The following KLHL13 variants were observed in gnomAD, a reference collection of about 807,000 sequenced individuals.
The protein encoded by KLHL13 is kelch like family member 13.
Under a neutral mutation model 37.1 loss-of-function variants are expected in KLHL13, and 10 were observed. That is an observed-to-expected ratio of 0.27 (90% CI 0.17 to 0.46). The LOEUF (loss-of-function observed/expected upper bound fraction) is 0.46, where lower values mean the gene tolerates loss of function less well. Ranked by LOEUF, KLHL13 falls within the 20% of genes least tolerant of loss-of-function variation. The probability of loss-of-function intolerance (pLI) is 1.00; values close to 1 mark genes in which losing one functional copy is unlikely to be tolerated. For synonymous variants in KLHL13, 163 were observed against 181.2 expected (o/e 0.90, Z 0.81); for missense variants, 360 against 509.3 (o/e 0.71, Z 2.82).
chrX:118,006,989 G>T (rs2053991227), intron 1 of KLHL13, among the ~76,000 whole-genome samples: 1 of 111,577 alleles, frequency 9.0e-6, no homozygotes, highest in South Asian at 3.8e-4. Flanking sequence ...GGGGGCCAGA[G>T]ATCAAATAAT....
chrX:118,090,168 C>T lies in KLHL13; in HGVS notation c.-56+26340G>A, dbSNP rs767811131. On this transcript the variant is annotated intron_variant, in intron 1 of 6. Transcript: ENST00000371882. The stretch of plus-strand genomic sequence containing the variant: ...TGGATTAAAGACTTAAATGTTAGAC[C>T]TAAAACCATAAAAAACCCTAGAAGA... Among the ~76,000 whole-genome samples, 412 of 109,729 alleles carry T rather than the reference C, an allele frequency of 3.8e-3. 1 individual carries two copies. Among genetic ancestry groups the T allele is most frequent in the Non-Finnish European group, 6.8e-3 (357 of 52,697 alleles).
upstream of KLHL13, among the ~76,000 whole-genome samples, chrX:118,117,120 G>T (rs2055482088): frequency 8.8e-6 from 1 of 113,024 alleles, no homozygotes; most frequent in African/African-American, 3.2e-5. Flanking sequence ...CAGAAAAAGT[G>T]AAAAGTGTCA....
intron 5 of KLHL13, among the ~76,000 whole-genome samples, chrX:117,903,179 C>A (rs1000919137): frequency 0.046 from 4,255 of 91,777 alleles, 129 homozygotes; most frequent in Middle Eastern, 0.092. Flanking sequence ...GAGAGGAGAG[C>A]GAGAGAGAGA....
At chrX:118,044,361 A>T (rs1406054493) in intron 1 of KLHL13, among the ~76,000 whole-genome samples, 4 of 109,600 alleles carry the variant, frequency 3.6e-5, no homozygotes, top group Admixed American at 9.8e-5. Context: ...GACATTCTTC[A>T]CAGAAATAGA....
intron 1 of KLHL13, among the ~76,000 whole-genome samples, chrX:117,960,557 C>T (rs765887197): frequency 8.9e-6 from 1 of 112,421 alleles, no homozygotes; most frequent in Non-Finnish European, 1.9e-5. Context: ...ACCACATAAT[C>T]ATATGCCACT....
intron 1 of KLHL13, among the ~76,000 whole-genome samples, chrX:118,005,702 C>T (rs1372634900): frequency 9.0e-6 from 1 of 111,572 alleles, no homozygotes; most frequent in African/African-American, 3.3e-5. Flanking sequence ...CTGGGAAAGG[C>T]AAGGAAACGG....
intron 1 of KLHL13, among the ~76,000 whole-genome samples, chrX:118,035,847 T>G (rs1211149103): frequency 9.8e-6 from 1 of 102,549 alleles, no homozygotes; most frequent in East Asian, 3.0e-4. Flanking sequence ...GAAAACCCCA[T>G]TGTCTCAGCC....
intron 1 of KLHL13, among the ~76,000 whole-genome samples, chrX:118,062,349 C>T (rs935361640): frequency 1.8e-5 from 2 of 110,357 alleles, no homozygotes; most frequent in Admixed American, 1.9e-4. Flanking sequence ...TTATTATATA[C>T]AAACAAGTCT....
At chrX:117,950,480 G>GA (rs1933534791) in intron 1 of KLHL13, among the ~76,000 whole-genome samples, 1 of 110,427 alleles carries the variant, frequency 9.1e-6, no homozygotes, top group African/African-American at 3.3e-5. Flanking sequence ...AAAAGGAAAA[G>GA]AAAAAAAAGA....
chrX:117,973,455 G>A, exon 1 of KLHL13: 1 of 946,989 alleles, frequency 1.1e-6, no homozygotes. Context: ...TCCTGTGCAA[G>A]CTCTGGCCAC....
chrX:118,026,675 T>C (rs2054277783), intron 1 of KLHL13, among the ~76,000 whole-genome samples: 1 of 111,657 alleles, frequency 9.0e-6, no homozygotes, highest in Non-Finnish European at 1.9e-5. Flanking sequence ...TCCAAATGAA[T>C]TTGCAAGGAA....
intron 2 of KLHL13, 147 bp from the exon 4 acceptor site, chrX:117,920,517 C>T (rs898493690): frequency 6.0e-5 from 32 of 535,086 alleles, no homozygotes; most frequent in Non-Finnish European, 9.4e-5. Flanking sequence ...AAAATAACTG[C>T]ACAACTTTCC....
At chrX:118,047,655 T>C (rs1474050764) in intron 1 of KLHL13, among the ~76,000 whole-genome samples, 1 of 111,996 alleles carries the variant, frequency 8.9e-6, no homozygotes, top group Non-Finnish European at 1.9e-5. Flanking sequence ...AAATAAATGC[T>C]ATTTTAATTG....
intron 1 of KLHL13, among the ~76,000 whole-genome samples, chrX:118,032,465 C>A (rs1178118633): frequency 9.0e-6 from 1 of 111,509 alleles, no homozygotes; most frequent in Non-Finnish European, 1.9e-5. Flanking sequence ...TGGGAGGCAC[C>A]CCCCAGCAGG....
chrX:117,997,133 C>CGG, intron 1 of KLHL13, among the ~76,000 whole-genome samples: 1 of 107,511 alleles, frequency 9.3e-6, no homozygotes, highest in African/African-American at 3.7e-5. Context: ...TGTGATTTGA[C>CGG]AGGATACTTT....
rs1433455178 is a variant in KLHL13, at chrX:118,013,117, G to A, written c.-55-67542C>T. ...CTGCGATTAAAGCAGTAAACAAGTT[G>A]AACAAGATGCCTGGCCTCTTGGAGC... is the stretch of plus-strand genomic sequence containing the variant. On this transcript the variant is annotated intron_variant, in intron 1 of 6. Coordinates refer to the KLHL13 transcript ENST00000371882. Among the ~76,000 whole-genome samples the A allele has an allele frequency of 2.7e-5, 3 of 111,844 alleles. No homozygotes were observed. In the Admixed American group the frequency reaches 2.8e-4, roughly 11 times the overall value.
At chrX:118,056,935 A>G (rs1008168139) in intron 1 of KLHL13, among the ~76,000 whole-genome samples, 10 of 112,263 alleles carry the variant, frequency 8.9e-5, no homozygotes, top group Non-Finnish European at 1.9e-4. Flanking sequence ...GCCTCCGAGC[A>G]CTTAAATCTA....
At chrX:117,938,776 C>T (rs372411240) in intron 2 of KLHL13, among the ~76,000 whole-genome samples, 7 of 110,501 alleles carry the variant, frequency 6.3e-5, no homozygotes, top group African/African-American at 2.3e-4. Context: ...TCCTCACATA[C>T]TTTTCCTATC....
At chrX:117,952,144 T>C (rs750781443) in intron 1 of KLHL13, among the ~76,000 whole-genome samples, 1 of 111,660 alleles carries the variant, frequency 9.0e-6, no homozygotes, top group East Asian at 2.8e-4. Context: ...CGCTACCTGA[T>C]TTCAAACTGT....
Sources: allele counts gnomAD v4.1 joint callset (sites outside exome capture counted in the v4.1 genomes callset), GRCh38; gene constraint gnomAD v4.1.1; transcripts MANE v1.5; gene names NCBI Gene and HGNC (gene_info 2026-07-23, HGNC 2026-07-21).